Variants in CHL1 observed in about 807,000 individuals in gnomAD.
CHL1 encodes neural cell adhesion molecule L1-like protein.
CHL1 carries 96 observed loss-of-function variants against 141.9 expected under a neutral mutation model. The observed-to-expected ratio is 0.68, with a 90% CI of 0.57 to 0.80. The LOEUF is 0.80. Among genes scored for constraint, CHL1 ranks in the 30% least tolerant of loss-of-function variants. The pLI is 0.00. For synonymous variants in CHL1, 613 were observed against 502.2 expected (o/e 1.22, Z -2.95); for missense variants, 1,820 against 1,457.2 (o/e 1.25, Z -4.05).
At chr3:332,067 G>A (rs1182308459) in intron 5 of CHL1, among the ~76,000 whole-genome samples, 7 of 152,090 alleles carry the variant, frequency 4.6e-5, no homozygotes, top group African/African-American at 1.2e-4. Context: ...AAACAATTCC[G>A]TTCCCTAGCT....
intron 8 of CHL1, among the ~76,000 whole-genome samples, chr3:343,384 G>A (rs182274909): frequency 5.9e-5 from 9 of 152,268 alleles, no homozygotes; most frequent in East Asian, 1.9e-4. Flanking sequence ...GTCAAAAGAC[G>A]TAGAGAAAAC....
chr3:364,755 T>C (rs986496002), intron 14 of CHL1, among the ~76,000 whole-genome samples: 39 of 152,168 alleles, frequency 2.6e-4, no homozygotes, highest in Non-Finnish European at 1.5e-5. Flanking sequence ...AAATCCTGGT[T>C]CAGCCCATTC....
intron 26 of CHL1, among the ~76,000 whole-genome samples, chr3:399,530 C>T (rs757524971): frequency 3.3e-5 from 5 of 152,154 alleles, no homozygotes; most frequent in African/African-American, 4.8e-5. Flanking sequence ...ATCCCAGCTA[C>T]TCGGAAGGCT....
chr3:219,490 T>C (rs1559287971), intron 1 of CHL1, among the ~76,000 whole-genome samples: 2 of 152,218 alleles, frequency 1.3e-5, no homozygotes, highest in African/African-American at 4.8e-5. Context: ...ATATGCACCA[T>C]GGACTATTAT....
At chr3:274,762 A>C (rs577887627) in intron 2 of CHL1, among the ~76,000 whole-genome samples, 39 of 152,218 alleles carry the variant, frequency 2.6e-4, no homozygotes, top group Non-Finnish European at 4.1e-4. Flanking sequence ...ATACAGGTGT[A>C]TCTGTCAAAA....
At chr3:390,643 A>T (rs1708143089) in intron 20 of CHL1, 58 bp from the exon 21 acceptor site, 2 of 1,022,266 alleles carry the variant, frequency 2.0e-6, no homozygotes, top group South Asian at 2.7e-5. Context: ...TTTGAAAAGG[A>T]TCCTAACAAT....
chr3:363,012 A>G (rs1157796885), intron 13 of CHL1, among the ~76,000 whole-genome samples: 1 of 152,154 alleles, frequency 6.6e-6, no homozygotes, highest in Non-Finnish European at 1.5e-5. Flanking sequence ...ATGGACTTGG[A>G]TTTTCTATAG....
Position 398,272 on chromosome 3 carries a change from C to T in CHL1, c.3140C>T (p.Thr1047Ile), listed in dbSNP as rs765241651. The T allele has an allele frequency of 3.1e-6, 5 of 1,606,604 alleles. No individual in the cohort carries two copies. The highest frequency in any genetic ancestry group is 4.3e-6 in the Non-Finnish European group (5 of 1,173,808). ...KISGVNLTQK[T>I]HPIEVFEPGA... is the part of the protein sequence containing the mutation. The stretch of plus-strand genomic sequence containing the variant: ...TCAGGAGTAAATCTTACTCAAAAGA[C>T]TCACCCAATAGAGGTATTTGAGCCG... Residue 1047 changes from threonine to isoleucine, a missense_variant, in exon 25 of 28, where the codon ACT becomes ATT. Coordinates refer to ENST00000256509, the MANE Select transcript of CHL1 (RefSeq NM_006614.4).
chr3:239,595 A>ATATATATATATATATATATATAT lies in CHL1; in HGVS notation c.-174-5018_-174-5017insTATATATATATATATATATATAT, dbSNP rs5845955. Among the ~76,000 whole-genome samples, 286 of 146,180 alleles carry ATATATATATATATATATATATAT rather than the reference A, an allele frequency of 2.0e-3. 3 individuals carry two copies. The highest frequency in any genetic ancestry group is 4.2e-3 in the African/African-American group (169 of 39,884). ...TAATTCATCTAAACAGTATATATAT[A>ATATATATATATATATATATATAT]AAATATATATATTTTAAAATTATTT... is the stretch of plus-strand genomic sequence containing the variant. On this transcript the variant is annotated intron_variant, in intron 1 of 27. Transcript: ENST00000256509.
chr3:289,956 A>G (rs539961814), intron 2 of CHL1, among the ~76,000 whole-genome samples: 1 of 104,330 alleles, frequency 9.6e-6, no homozygotes, highest in African/African-American at 4.2e-5. Context: ...TTTTTTTGAG[A>G]TGGAGTCTCA....
intron 5 of CHL1, among the ~76,000 whole-genome samples, chr3:334,207 AT>A (rs779724370): frequency 9.9e-5 from 15 of 151,974 alleles, no homozygotes; most frequent in Non-Finnish European, 2.2e-4. Context: ...TACATTATTT[AT>A]TTATTTATCT....
chr3:353,115 T>C lies in CHL1; in HGVS notation c.1034-1525T>C, dbSNP rs566387726. ...ATGACGTGATAATTTGGAACCTCTT[T>C]CAGTAATACTAATATTACTAATAGT... On this transcript the variant is annotated intron_variant, in intron 10 of 27. Transcript: ENST00000256509. Among the ~76,000 whole-genome samples, 10 of 152,296 alleles carry C rather than the reference T, an allele frequency of 6.6e-5. No individual in the cohort carries two copies. The South Asian group carries it at 1.2e-3, about 19-fold the overall frequency.
intron 5 of CHL1, among the ~76,000 whole-genome samples, chr3:339,569 T>A (rs776566067): frequency 1.3e-5 from 2 of 152,144 alleles, no homozygotes; most frequent in Non-Finnish European, 2.9e-5. Flanking sequence ...CCTTCCGAAA[T>A]TGCAAAGGCA....
rs142709902 is a variant in CHL1, at chr3:382,495, G to T, written c.2000G>T (p.Gly667Val). The T allele has an allele frequency of 6.2e-5, 100 of 1,613,536 alleles. 1 individual carries two copies. The Middle Eastern group carries it at 6.6e-4, about 11-fold the overall frequency. The change falls in exon 18 of 28, where the codon GGA (glycine) becomes GTA (valine). Residue 667 changes from glycine to valine, a missense_variant. Gly to Val is a moderately radical substitution (Grantham distance 109, BLOSUM62 -3). Coordinates refer to ENST00000256509, the MANE Select transcript of CHL1 (RefSeq NM_006614.4). Reference sequence around the variant, plus strand: ...CCAGAGTATATTGTTGAATTTGAAGGAAACAAAGAAGAGCCTGGAAGGTGG... The same window carrying T: ...CCAGAGTATATTGTTGAATTTGAAGTAAACAAAGAAGAGCCTGGAAGGTGG... The part of the protein sequence containing the change: ...NISEYIVEFE[G>V]NKEEPGRWEE...
chr3:294,380 T>C (rs1697993616), intron 2 of CHL1, among the ~76,000 whole-genome samples: 1 of 152,206 alleles, frequency 6.6e-6, no homozygotes, highest in South Asian at 2.1e-4. Context: ...TGTTTCTGAG[T>C]TCATTGAGTT....
In CHL1 at chr3:344,606, A is replaced by C; in HGVS notation, c.745A>C (p.Arg249=). The C allele has an allele frequency of 6.2e-7, 1 of 1,611,480 alleles. No individual in the cohort carries two copies. The highest frequency in any genetic ancestry group is 8.5e-7 in the Non-Finnish European group (1 of 1,178,932). ...IGSKANSIKQ[R]KPKLLLPPTE... Reference sequence around the variant, plus strand: ...TTTTGTAGCAAATTCCATCAAGCAAAGAAAACCCAAACTGCTGTTGCCTCC... The same window carrying C: ...TTTTGTAGCAAATTCCATCAAGCAACGAAAACCCAAACTGCTGTTGCCTCC... The change falls in exon 9 of 28, where the codon AGA becomes CGA. Residue 249 remains arginine (R), a synonymous_variant. Transcript: ENST00000256509.
In CHL1 at chr3:333,002, A is replaced by G. The variant is rs893539990; in HGVS notation, c.385+4648A>G. On this transcript the variant is annotated intron_variant, in intron 5 of 27. Coordinates refer to ENST00000256509, the MANE Select transcript of CHL1 (RefSeq NM_006614.4). ...GATTTCAGTTTTTTTTTCTGTCATT[A>G]TCTAGGCAGACCAAGTGAAGACATG... 2.6e-5 allele frequency among the ~76,000 whole-genome samples: 4 copies of G among 151,970 alleles called. No homozygotes were observed. In the South Asian group the frequency reaches 8.3e-4, roughly 32 times the overall value.
At chr3:357,188 G>C (rs1703798559) in intron 11 of CHL1, among the ~76,000 whole-genome samples, 1 of 152,222 alleles carries the variant, frequency 6.6e-6, no homozygotes, top group Non-Finnish European at 1.5e-5. Context: ...TCGGTGTTCT[G>C]TTCACAGCTT....
At chr3:335,075 A>G (rs1184277641) in intron 5 of CHL1, among the ~76,000 whole-genome samples, 1 of 152,208 alleles carries the variant, frequency 6.6e-6, no homozygotes, top group Non-Finnish European at 1.5e-5. Flanking sequence ...AGGTTTCTAC[A>G]TTTGTGTTAA....
Sources: allele counts gnomAD v4.1 joint callset (sites outside exome capture counted in the v4.1 genomes callset), GRCh38; gene constraint gnomAD v4.1.1; transcripts MANE v1.5; gene names NCBI Gene and HGNC (gene_info 2026-07-23, HGNC 2026-07-21).